Variants in EXT1 observed in about 807,000 individuals in gnomAD.
The protein encoded by EXT1 is exostosin glycosyltransferase 1.
A neutral mutation model predicts 82.5 loss-of-function variants in EXT1; 20 were observed. That is an observed-to-expected ratio of 0.24 (90% CI 0.17 to 0.35). The LOEUF is 0.35. Ranked by LOEUF, EXT1 falls within the 10% of genes least tolerant of loss-of-function variation. EXT1 has a pLI of 1.00. For missense variants in EXT1, 757 were observed against 936.5 expected (o/e 0.81, Z 2.50); for synonymous variants, 348 against 350.8 (o/e 0.99, Z 0.09).
At chr8:118,086,183 G>A (rs1817414531) in intron 1 of EXT1, among the ~76,000 whole-genome samples, 1 of 152,212 alleles carries the variant, frequency 6.6e-6, no homozygotes, top group African/African-American at 2.4e-5. Flanking sequence ...AGCAAGTCTT[G>A]TGTATTGCCT....
At chr8:117,887,596 C>A (rs1310199659) in intron 1 of EXT1, among the ~76,000 whole-genome samples, 1 of 152,060 alleles carries the variant, frequency 6.6e-6, no homozygotes, top group East Asian at 1.9e-4. Flanking sequence ...GTGATCTGCC[C>A]AGCTTGGTCT....
rs983863148 is a variant in EXT1 at position 118,053,204 on chromosome 8, T to A, written c.962+56881A>T. 1.8e-4 allele frequency among the ~76,000 whole-genome samples: 28 copies of A among 152,152 alleles called. 1 individual carries two copies. The highest frequency in any genetic ancestry group is 1.6e-3 in the Admixed American group (25 of 15,282). On this transcript the variant is annotated intron_variant, in intron 1 of 10. Transcript: ENST00000378204. ...ACTGGCTATGACACGAGGTCTCAAGTGTCACTGAAAAGTCCCATTGAAATG... is the reference window on the plus strand; with the variant it reads ...ACTGGCTATGACACGAGGTCTCAAGAGTCACTGAAAAGTCCCATTGAAATG...
intron 1 of EXT1, among the ~76,000 whole-genome samples, chr8:118,087,562 T>G (rs1162818390): frequency 6.6e-6 from 1 of 152,094 alleles, no homozygotes; most frequent in East Asian, 1.9e-4. Context: ...TTAATTATGC[T>G]GGGGAGAAAA....
At chr8:117,978,810 C>A (rs1470675408) in intron 1 of EXT1, among the ~76,000 whole-genome samples, 2 of 152,208 alleles carry the variant, frequency 1.3e-5, no homozygotes, top group African/African-American at 4.8e-5. Flanking sequence ...ATAAAGTTAA[C>A]AACTACCTGT....
At chr8:117,863,389 G>T in intron 1 of EXT1, among the ~76,000 whole-genome samples, 1 of 146,182 alleles carries the variant, frequency 6.8e-6, no homozygotes, top group African/African-American at 2.5e-5. Flanking sequence ...TGTATATTTT[G>T]ATATCACTAT....
intron 1 of EXT1, among the ~76,000 whole-genome samples, chr8:118,024,707 G>A (rs1221271884): frequency 1.3e-5 from 2 of 152,160 alleles, no homozygotes; most frequent in Admixed American, 1.3e-4. Flanking sequence ...AGAAACAAGG[G>A]AAGGCTTGTT....
intron 1 of EXT1, among the ~76,000 whole-genome samples, chr8:118,031,936 C>A (rs1451331030): frequency 6.6e-6 from 1 of 151,946 alleles, no homozygotes; most frequent in Non-Finnish European, 1.5e-5. Context: ...GGCAACACTG[C>A]AAATCAAGGC....
chr8:118,110,301 C>T lies in EXT1; in HGVS notation c.746G>A (p.Gly249Glu). ...AGGGATGGTGTTGAACTTCAAAAAC[C>T]CCCTCTCCCCTCCTGTCCTGGGATG... is the stretch of plus-strand genomic sequence containing the variant. ...KDHPRTGGER[G>E]FLKFNTIPPL... Residue 249 changes from glycine (G) to glutamate (E), a missense_variant, in exon 1 of 11, where the codon GGG becomes GAG. Transcript: ENST00000378204. 2 of 1,614,072 alleles carry T rather than the reference C, an allele frequency of 1.2e-6. No homozygotes were observed. Among genetic ancestry groups the T allele is most frequent in the Non-Finnish European group, 1.7e-6 (2 of 1,180,022 alleles).
intron 1 of EXT1, among the ~76,000 whole-genome samples, chr8:117,995,456 C>T (rs1171974637): frequency 3.3e-5 from 5 of 152,074 alleles, no homozygotes; most frequent in Admixed American, 6.5e-5. Context: ...GCTGGGTATG[C>T]GGCTGGTTTT....
At chr8:118,075,505 T>A (rs1020593855) in intron 1 of EXT1, among the ~76,000 whole-genome samples, 5 of 152,204 alleles carry the variant, frequency 3.3e-5, no homozygotes, top group Admixed American at 1.3e-4. Context: ...ATGAAAGAAG[T>A]TCCTTTGGAA....
At chr8:118,081,050 C>T (rs1423162042) in intron 1 of EXT1, among the ~76,000 whole-genome samples, 1 of 152,152 alleles carries the variant, frequency 6.6e-6, no homozygotes, top group Admixed American at 6.5e-5. Flanking sequence ...AGGCACTGAG[C>T]AAAATGCTTT....
intron 1 of EXT1, among the ~76,000 whole-genome samples, chr8:118,072,146 C>A (rs2447530): frequency 0.26 from 40,146 of 152,042 alleles, 6,249 homozygotes; most frequent in East Asian, 0.47. Flanking sequence ...TGGAGAAAAG[C>A]ATACCTATCT....
At chr8:118,041,362 T>C (rs886680666) in intron 1 of EXT1, among the ~76,000 whole-genome samples, 1 of 152,172 alleles carries the variant, frequency 6.6e-6, no homozygotes, top group Non-Finnish European at 1.5e-5. Flanking sequence ...GATTAATCCA[T>C]TTAAAATCCA....
intron 1 of EXT1, among the ~76,000 whole-genome samples, chr8:117,848,192 G>C (rs189893000): frequency 6.6e-6 from 1 of 152,350 alleles, no homozygotes; most frequent in Non-Finnish European, 1.5e-5. Flanking sequence ...TAAATGTAGA[G>C]ATACATGGGT....
At chr8:118,027,302 A>T (rs945225701) in intron 1 of EXT1, among the ~76,000 whole-genome samples, 1 of 143,930 alleles carries the variant, frequency 6.9e-6, no homozygotes, top group African/African-American at 2.7e-5. Context: ...GAGTTTCCAA[A>T]TCAGTTTCTT....
intron 1 of EXT1, among the ~76,000 whole-genome samples, chr8:117,978,352 T>C (rs1422298485): frequency 1.3e-5 from 2 of 152,174 alleles, no homozygotes; most frequent in Non-Finnish European, 2.9e-5. Flanking sequence ...GGTTACAAAA[T>C]AGAAACTGAG....
At chr8:118,033,089 C>T (rs73704889) in intron 1 of EXT1, among the ~76,000 whole-genome samples, 1 of 152,150 alleles carries the variant, frequency 6.6e-6, no homozygotes, top group African/African-American at 2.4e-5. Context: ...TTGCAATGCG[C>T]TAAATATGTG....
rs58524588 is a variant in EXT1, at chr8:118,063,859, CTTAT to C, written c.962+46222_962+46225del. Among the ~76,000 whole-genome samples, 231 of 151,772 alleles carry C rather than the reference CTTAT, an allele frequency of 1.5e-3. 1 individual carries two copies. The highest frequency in any genetic ancestry group is 4.9e-3 in the African/African-American group (201 of 41,236). The stretch of plus-strand genomic sequence containing the variant: ...ACCAGAGCTACACTTTATTTATTTA[CTTAT>C]TTATTTATTTATTTATTTATTGAGA... On this transcript the variant is annotated intron_variant, in intron 1 of 10. Transcript: ENST00000378204.
intron 1 of EXT1, among the ~76,000 whole-genome samples, chr8:117,930,696 T>G (rs1357825924): frequency 6.6e-6 from 1 of 152,184 alleles, no homozygotes; most frequent in Non-Finnish European, 1.5e-5. Flanking sequence ...CCACAGTGAC[T>G]CCATCTTGAG....
Sources: allele counts gnomAD v4.1 joint callset (sites outside exome capture counted in the v4.1 genomes callset), GRCh38; gene constraint gnomAD v4.1.1; transcripts MANE v1.5; gene names NCBI Gene and HGNC (gene_info 2026-07-23, HGNC 2026-07-21).